Variants in CAND2 observed in about 807,000 individuals in gnomAD.
CAND2 encodes the protein cullin associated and neddylation dissociated 2 (putative).
A neutral mutation model predicts 98.9 loss-of-function variants in CAND2; 62 were observed. The observed-to-expected ratio is 0.63, with a 90% CI of 0.51 to 0.77. CAND2 has a LOEUF of 0.77. CAND2 is among the 30% of genes least tolerant of loss of function. The probability of loss-of-function intolerance (pLI) is 0.00; values close to 1 mark genes in which losing one functional copy is unlikely to be tolerated. For missense variants in CAND2, 1,501 were observed against 1,655.2 expected (o/e 0.91, Z 1.62); for synonymous variants, 770 against 731.9 (o/e 1.05, Z -0.84).
In CAND2 at chr3:12,816,697, G is replaced by A; in HGVS notation, c.1765G>A (p.Glu589Lys). Residue 589 changes from glutamate to lysine, a missense_variant, in exon 10 of 15, where the codon GAG (glutamate) becomes AAG (lysine). Physicochemically the swap from Glu to Lys is moderately conservative, Grantham distance 56. Around this residue, in one of 3 missense-constraint regions of CAND2, gnomAD observed 1,427 missense variants for 1,545.3 expected, o/e 0.92. Coordinates refer to ENST00000456430, the MANE Select transcript of CAND2 (RefSeq NM_001162499.2). The stretch of plus-strand genomic sequence containing the variant: ...CACTGACCTGGACCAGGAGGTGAAG[G>A]AGCGGGCCATTTCCTGCATGGGCCA... ...RATDLDQEVK[E>K]RAISCMGHLV... 5 of 1,613,718 alleles carry A rather than the reference G, an allele frequency of 3.1e-6. No individual in the cohort carries two copies. The highest frequency in any genetic ancestry group is 1.7e-5 in the Admixed American group (1 of 60,030).
chr3:12,816,772 T>C lies in CAND2; in HGVS notation c.1840T>C (p.Leu614=), dbSNP rs373203730. ...DRLGDDLEPT[L]LLLLDRLRNE... The stretch of plus-strand genomic sequence containing the variant: ...GCTTGGGGATGACCTGGAGCCCACG[T>C]TACTGCTCCTCCTGGACCGCCTGCG... The change falls in exon 10 of 15, where the codon TTA becomes CTA. Residue 614 remains leucine, a synonymous_variant. Transcript: ENST00000456430. The C allele has an allele frequency of 5.2e-5, 84 of 1,613,410 alleles. No homozygotes were observed. Among genetic ancestry groups the C allele is most frequent in the Middle Eastern group, 1.6e-4 (1 of 6,084 alleles).
Position 12,817,529 on chromosome 3 carries a change from T to G in CAND2, c.2597T>G (p.Leu866Arg). Reference protein sequence around the residue: ...PGHQRELKAVLLEALGSPSED... With the variant: ...PGHQRELKAVRLEALGSPSED... ...CACCAGCGGGAGCTGAAGGCGGTGC[T>G]CCTGGAAGCTTTGGGGTCACCCAGT... The change falls in exon 10 of 15, where the codon CTC becomes CGC. Residue 866 changes from leucine to arginine, a missense_variant. Physicochemically the swap from Leu to Arg is moderately radical, Grantham distance 102 (BLOSUM62 -2). Transcript: ENST00000456430. The G allele has an allele frequency of 6.2e-7, 1 of 1,613,830 alleles. No homozygotes were observed. The highest frequency in any genetic ancestry group is 1.1e-5 in the South Asian group (1 of 91,074).
In CAND2 at chr3:12,817,058, A is replaced by C; in HGVS notation, c.2126A>C (p.His709Pro). The change falls in exon 10 of 15, where the codon CAT becomes CCT. Residue 709 changes from histidine to proline, a missense_variant. Around this residue, in one of 3 missense-constraint regions of CAND2, gnomAD observed 1,427 missense variants for 1,545.3 expected, o/e 0.92. Transcript: ENST00000456430. The part of the protein sequence containing the change: ...LPALVNESDM[H>P]VAQLAVDFLA... ...GCCCTGGTCAACGAGAGCGACATGC[A>C]TGTGGCCCAGCTGGCTGTGGACTTC... The C allele has an allele frequency of 6.2e-7, 1 of 1,612,916 alleles. No homozygotes were observed.
chr3:12,798,916 A>AGCGGGGC (rs955473117), intron 1 of CAND2, among the ~76,000 whole-genome samples: 2 of 150,856 alleles, frequency 1.3e-5, no homozygotes, highest in African/African-American at 4.9e-5. Flanking sequence ...TGGTTCCTGG[A>AGCGGGGC]GCGGGGCAGC....
chr3:12,798,145 C>G (rs1290731761), intron 1 of CAND2, among the ~76,000 whole-genome samples: 1 of 152,122 alleles, frequency 6.6e-6, no homozygotes, highest in Non-Finnish European at 1.5e-5. Flanking sequence ...GTGAAATGCT[C>G]AGGTTCATGG....
At position 12,817,762 on chromosome 3, in the gene CAND2, C is replaced by T. The variant is rs201140406; in HGVS notation, c.2830C>T (p.Arg944Cys). Residue 944 changes from arginine (R) to cysteine (C), a missense_variant, in exon 10 of 15, where the codon CGC becomes TGC. Transcript: ENST00000456430. ...AEDIWALLFQ[R>C]CEGAEEGTRG... The stretch of plus-strand genomic sequence containing the variant: ...GGACATCTGGGCCTTGCTGTTCCAG[C>T]GCTGCGAGGGTGCTGAGGAGGGCAC... The T allele has an allele frequency of 2.9e-5, 46 of 1,562,876 alleles. No individual in the cohort carries two copies. The highest frequency in any genetic ancestry group is 1.8e-4 in the South Asian group (15 of 81,954).
rs186013932 is a variant in CAND2 at position 12,810,442 on chromosome 3, C to T, written c.757+118C>T. 1.2e-4 allele frequency: 88 copies of T among 718,980 alleles called. No homozygotes were observed. In the East Asian group the frequency reaches 8.9e-3, roughly 73 times the overall value. The allele number at this position is 718,980 out of a possible 1,614,324, so 44.5% of individuals were successfully genotyped here. ...GTGCAGCCAGGGCCTAAGGGTGGGC[C>T]GTCTGCCTTGGTAGGGAGGATGGGG... On this transcript the variant is annotated intron_variant, in intron 5 of 14. Transcript: ENST00000456430.
intron 10 of CAND2, among the ~76,000 whole-genome samples, chr3:12,819,161 C>G (rs1264529963): frequency 6.6e-6 from 1 of 152,264 alleles, no homozygotes; most frequent in Non-Finnish European, 1.5e-5. Flanking sequence ...TAATCTTACT[C>G]TCTTGTGCCT....
At chr3:12,802,652 G>T (rs1440765094) in intron 1 of CAND2, among the ~76,000 whole-genome samples, 2 of 152,242 alleles carry the variant, frequency 1.3e-5, no homozygotes, top group African/African-American at 4.8e-5. Flanking sequence ...TCACACATAT[G>T]TGGGTCTCCT....
rs1416755601 is a variant in CAND2 at position 12,817,434 on chromosome 3, C to A, written c.2502C>A (p.His834Gln). The A allele has an allele frequency of 2.5e-6, 4 of 1,613,772 alleles. No homozygotes were observed. The highest frequency in any genetic ancestry group is 3.4e-6 in the Non-Finnish European group (4 of 1,180,012). ...SRLVCDARSPHSSTGVKVLAF... is the reference protein window; with the variant it reads ...SRLVCDARSPQSSTGVKVLAF... The stretch of plus-strand genomic sequence containing the variant: ...TGGTCTGCGATGCCAGGTCGCCCCA[C>A]TCCAGCACGGGGGTCAAGGTCCTGG... The change falls in exon 10 of 15, where the codon CAC (histidine) becomes CAA (glutamine). Residue 834 changes from histidine to glutamine, a missense_variant. Transcript: ENST00000456430.
At chr3:12,804,474 C>T (rs2061790810) in intron 2 of CAND2, among the ~76,000 whole-genome samples, 1 of 151,964 alleles carries the variant, frequency 6.6e-6, no homozygotes, top group Admixed American at 6.6e-5. Flanking sequence ...CAAAAACAAA[C>T]AAACAAAAAA....
At chr3:12,821,421 G>A (rs1049107069) in intron 11 of CAND2, among the ~76,000 whole-genome samples, 1 of 152,224 alleles carries the variant, frequency 6.6e-6, no homozygotes, top group Admixed American at 6.5e-5. Flanking sequence ...AAAAAGGAAC[G>A]GTTGTGCTGA....
intron 1 of CAND2, among the ~76,000 whole-genome samples, chr3:12,803,041 G>A (rs2061777952): frequency 6.8e-6 from 1 of 147,760 alleles, no homozygotes; most frequent in Admixed American, 6.8e-5. Flanking sequence ...CCAGGCTGGA[G>A]TACAGTGGCA....
intron 11 of CAND2, among the ~76,000 whole-genome samples, chr3:12,823,499 C>T (rs896846802): frequency 3.9e-5 from 6 of 151,922 alleles, no homozygotes; most frequent in Admixed American, 1.3e-4. Context: ...GAGGCCGAGG[C>T]GGGCGGATCA....
intron 11 of CAND2, among the ~76,000 whole-genome samples, chr3:12,821,406 TA>T (rs542971750): frequency 0.02 from 2,970 of 150,702 alleles, 47 homozygotes; most frequent in Non-Finnish European, 0.03. Context: ...GTCTCATAAA[TA>T]AAAAAAAAGG....
intron 5 of CAND2, among the ~76,000 whole-genome samples, chr3:12,812,559 C>T (rs368326785): frequency 0.032 from 4,866 of 151,906 alleles, 252 homozygotes; most frequent in African/African-American, 0.11. Flanking sequence ...CGCCCGCCAC[C>T]GCGCCCGGCT....
At chr3:12,827,964 C>T (rs1386922241) in intron 13 of CAND2, among the ~76,000 whole-genome samples, 1 of 148,278 alleles carries the variant, frequency 6.7e-6, no homozygotes, top group Non-Finnish European at 1.5e-5. Context: ...ACCTGGACGA[C>T]AAAGCGAGAC....
At chr3:12,830,143 C>T (rs1438812131) in intron 13 of CAND2, among the ~76,000 whole-genome samples, 2 of 152,198 alleles carry the variant, frequency 1.3e-5, no homozygotes, top group Non-Finnish European at 2.9e-5. Flanking sequence ...TCCTGTCTGC[C>T]TGTCTCCCCC....
chr3:12,824,705 C>G (rs2061986379), intron 11 of CAND2, among the ~76,000 whole-genome samples: 1 of 152,022 alleles, frequency 6.6e-6, no homozygotes, highest in Admixed American at 6.5e-5. Flanking sequence ...GTCAGGAGTT[C>G]GAGACCAGCC....
Sources: allele counts gnomAD v4.1 joint callset (sites outside exome capture counted in the v4.1 genomes callset), GRCh38; gene constraint gnomAD v4.1.1; regional missense constraint gnomAD v4.1.1; transcripts MANE v1.5; gene names NCBI Gene and HGNC (gene_info 2026-07-23, HGNC 2026-07-21).